ANKS1B: variants seen among roughly 807,000 people sequenced by gnomAD.
ANKS1B encodes ankyrin repeat and sterile alpha motif domain containing 1B, also known as ankyrin repeat and sterile alpha motif domain-containing protein 1B.
Under a neutral mutation model 148.3 loss-of-function variants are expected in ANKS1B, and 36 were observed. That is an observed-to-expected ratio of 0.24 (90% CI 0.19 to 0.32). The LOEUF (loss-of-function observed/expected upper bound fraction) is 0.32. ANKS1B is among the 10% of genes least tolerant of loss of function. The pLI is 1.00. For missense variants in ANKS1B, 1,157 were observed against 1,542.6 expected (o/e 0.75, Z 4.19); for synonymous variants, 542 against 560.8 (o/e 0.97, Z 0.47).
At chr12:99,706,481 C>T (rs1474780191) in intron 8 of ANKS1B, 1 of 151,974 alleles carries the variant, frequency 6.6e-6, no homozygotes, top group Middle Eastern at 3.2e-3. Flanking sequence ...TAAGCTCAAA[C>T]ATTAAGAATT....
At chr12:99,970,530 T>C (rs1014098892) in intron 1 of ANKS1B, among the ~76,000 whole-genome samples, 17 of 7,678 alleles carry the variant, frequency 2.2e-3, no homozygotes, top group Non-Finnish European at 3.9e-3. Context: ...ACATTAAAAT[T>C]GAAAAAAAAA....
intron 17 of ANKS1B, among the ~76,000 whole-genome samples, chr12:98,838,862 A>G (rs1017318626): frequency 1.3e-5 from 2 of 152,210 alleles, no homozygotes; most frequent in Non-Finnish European, 2.9e-5. Context: ...TCTCATCTGC[A>G]GAACTAAAAT....
intron 12 of ANKS1B, 21 bp downstream of exon 12, chr12:99,399,610 G>T (rs2094349333): frequency 1.2e-6 from 2 of 1,607,410 alleles, no homozygotes; most frequent in South Asian, 2.2e-5. Flanking sequence ...AAATACAGCT[G>T]CATAAAGTGA....
At chr12:99,163,973 T>C (rs2076956156) in intron 14 of ANKS1B, among the ~76,000 whole-genome samples, 1 of 152,232 alleles carries the variant, frequency 6.6e-6, no homozygotes, top group Non-Finnish European at 1.5e-5. Flanking sequence ...TATGTAGTCA[T>C]TCTGATAGGT....
At chr12:99,636,141 T>C (rs1356601318) in intron 9 of ANKS1B, among the ~76,000 whole-genome samples, 2 of 152,120 alleles carry the variant, frequency 1.3e-5, no homozygotes, top group Admixed American at 1.3e-4. Context: ...CTGTTAAATA[T>C]ATTTGATCTA....
At chr12:99,411,128 T>G (rs922432369) in intron 11 of ANKS1B, among the ~76,000 whole-genome samples, 4 of 152,110 alleles carry the variant, frequency 2.6e-5, no homozygotes, top group Non-Finnish European at 5.9e-5. Context: ...AACAGTTAAG[T>G]CAAGATTCCA....
At chr12:99,389,692 T>G (rs566487897) in intron 12 of ANKS1B, among the ~76,000 whole-genome samples, 10 of 152,128 alleles carry the variant, frequency 6.6e-5, no homozygotes, top group Non-Finnish European at 2.9e-5. Flanking sequence ...AGCAATAAAT[T>G]TGAATTTCAA....
At chr12:99,437,621 C>CACAG (rs1011318400) in intron 11 of ANKS1B, among the ~76,000 whole-genome samples, 3 of 151,860 alleles carry the variant, frequency 2.0e-5, no homozygotes, top group Non-Finnish European at 4.4e-5. Flanking sequence ...CCACCCAGAG[C>CACAG]ACAGACCAGG....
At chr12:98,897,027 C>G (rs1271034227) in intron 17 of ANKS1B, among the ~76,000 whole-genome samples, 6 of 152,184 alleles carry the variant, frequency 3.9e-5, no homozygotes, top group African/African-American at 1.4e-4. Flanking sequence ...TTCATCATGT[C>G]CAGTCCTCTG....
chr12:99,075,108 C>T (rs948462208), intron 16 of ANKS1B, among the ~76,000 whole-genome samples: 11 of 152,140 alleles, frequency 7.2e-5, no homozygotes, highest in Admixed American at 5.9e-4. Context: ...GTTTCTGGCA[C>T]AGAATGACTA....
At chr12:99,587,414 A>C (rs1391750629) in intron 9 of ANKS1B, among the ~76,000 whole-genome samples, 1 of 152,206 alleles carries the variant, frequency 6.6e-6, no homozygotes, top group Non-Finnish European at 1.5e-5. Flanking sequence ...GTTTCTAATG[A>C]TCAAGTGATT....
In ANKS1B at chr12:99,913,397, T is replaced by C. The variant is rs146376173; in HGVS notation, c.134+70707A>G. The stretch of plus-strand genomic sequence containing the variant: ...TCAGCATTTCACTAGTGAACAGACA[T>C]TTCCTCTGAGAAAGAGTGATAATTA... On this transcript the variant is annotated intron_variant, in intron 1 of 26. Coordinates refer to ENST00000683438, the MANE Select transcript of ANKS1B (RefSeq NM_001352186.2). 3.0e-4 allele frequency among the ~76,000 whole-genome samples: 46 copies of C among 152,326 alleles called. 1 individual carries two copies. The highest frequency in any genetic ancestry group is 1.0e-3 in the African/African-American group (42 of 41,580).
chr12:98,997,251 T>G (rs1281145270), intron 17 of ANKS1B, among the ~76,000 whole-genome samples: 2 of 152,160 alleles, frequency 1.3e-5, no homozygotes, highest in Non-Finnish European at 2.9e-5. Flanking sequence ...GGGACCAGGA[T>G]TGGGCAGGTA....
At position 99,332,956 on chromosome 12, in the gene ANKS1B, G is replaced by A. The variant is rs555274844; in HGVS notation, c.1756+66675C>T. 3.3e-5 allele frequency among the ~76,000 whole-genome samples: 5 copies of A among 152,050 alleles called. No individual in the cohort carries two copies. In the East Asian group the frequency reaches 9.7e-4, roughly 29 times the overall value. On this transcript the variant is annotated intron_variant, in intron 12 of 26. Transcript: ENST00000683438. ...GGGGCCAGATTTAGGGGGCTGTATT[G>A]TAGCCTAAGCACTTTGGGATTGATC...
intron 8 of ANKS1B, among the ~76,000 whole-genome samples, chr12:99,660,579 T>A (rs2098472498): frequency 6.6e-6 from 1 of 152,114 alleles, no homozygotes; most frequent in Non-Finnish European, 1.5e-5. Flanking sequence ...GCCAAGCTGG[T>A]CTTGAACTCC....
chr12:99,698,308 C>T (rs2054240070), intron 8 of ANKS1B, among the ~76,000 whole-genome samples: 1 of 151,948 alleles, frequency 6.6e-6, no homozygotes, highest in Admixed American at 6.6e-5. Flanking sequence ...TTCTAAGGAC[C>T]AAAATAACCG....
intron 1 of ANKS1B, among the ~76,000 whole-genome samples, chr12:99,977,288 CGTGCAATGCCACACCTGGCCATTTT>C (rs1426373469): frequency 5.3e-5 from 8 of 152,254 alleles, no homozygotes; most frequent in African/African-American, 1.9e-4. Flanking sequence ...GGGCTACAGA[CGTGCAATGCCACACCTGGCCATTTT>C]GTTTTGTTTT....
At chr12:99,846,604 T>C (rs990130189) in intron 1 of ANKS1B, among the ~76,000 whole-genome samples, 2 of 152,172 alleles carry the variant, frequency 1.3e-5, no homozygotes, top group African/African-American at 4.8e-5. Context: ...AATAGCGACT[T>C]AGGTTTACTA....
At chr12:99,485,060 C>A (rs1444523718) in intron 10 of ANKS1B, among the ~76,000 whole-genome samples, 1 of 151,808 alleles carries the variant, frequency 6.6e-6, no homozygotes, top group Non-Finnish European at 1.5e-5. Flanking sequence ...TTCTCTTCAT[C>A]ATAGTAATTT....
Sources: gnomAD v4.1 joint callset for allele counts (sites outside exome capture counted in the v4.1 genomes callset) on GRCh38, gnomAD v4.1.1 for gene constraint, MANE v1.5 for transcripts, NCBI Gene and HGNC (gene_info 2026-07-23, HGNC 2026-07-21) for gene names.